Variants in MYH3 observed in about 807,000 individuals in gnomAD.
MYH3 encodes the protein myosin heavy chain 3.
MYH3 carries 130 observed loss-of-function variants against 238.0 expected under a neutral mutation model. That is an observed-to-expected ratio of 0.55 (90% CI 0.47 to 0.63). The LOEUF (loss-of-function observed/expected upper bound fraction) is 0.63, where lower values mean the gene tolerates loss of function less well. Ranked by LOEUF, MYH3 falls within the 30% of genes least tolerant of loss-of-function variation. MYH3 has a pLI of 0.00. For synonymous variants in MYH3, 880 were observed against 924.1 expected (o/e 0.95, Z 0.86); for missense variants, 1,853 against 2,374.9 (o/e 0.78, Z 4.57).
chr17:10,675,449 T>TC, the MYH3 span: 5 of 152,334 alleles, frequency 3.3e-5, no homozygotes, highest in African/African-American at 1.2e-4. Context: ...GGACTCTTTT[T>TC]CCCCTCTACT....
Position 10,652,170 on chromosome 17 carries a change from C to T in MYH3, c.348+250G>A, listed in dbSNP as rs141726181. The T allele has an allele frequency of 5.9e-4, 332 of 559,188 alleles. 1 individual carries two copies. Among genetic ancestry groups the T allele is most frequent in the African/African-American group, 5.6e-3 (301 of 53,528 alleles). The allele number at this position is 559,188 out of a possible 1,614,324, so 34.6% of individuals were successfully genotyped here. On this transcript the variant is annotated intron_variant, in intron 4 of 40. Transcript: ENST00000583535. ...CCCTCCCACAGTTGGTAAGTCACAG[C>T]ACCCCGTGACCAAGCCTGGCCCCAG...
intron 3 of MYH3, among the ~76,000 whole-genome samples, chr17:10,652,929 C>T (rs1051003848): frequency 2.6e-5 from 4 of 152,032 alleles, no homozygotes; most frequent in African/African-American, 7.2e-5. Context: ...CCTGTCTGCA[C>T]GTCTTGTCTG....
rs560382335 is a variant in MYH3 at position 10,633,472 on chromosome 17, G to T, written c.4647+119C>A. On this transcript the variant is annotated intron_variant, in intron 33 of 40. Transcript: ENST00000583535. ...TTTGCTGTGTGACGGGAAAGCAGCA[G>T]GCATTAGGACTGTGATTTGACAAAG... 10 of 1,233,886 alleles carry T rather than the reference G, an allele frequency of 8.1e-6. No homozygotes were observed. The African/African-American group carries it at 1.5e-4, about 18-fold the overall frequency. 76.4% of individuals were successfully genotyped at this position (1,233,886 alleles called of 1,614,324 possible). A position where few individuals can be genotyped will look rare whatever the true frequency, so the allele number is the denominator to read the frequency against.
At chr17:10,677,291 G>C in the MYH3 span, 2 of 152,046 alleles carry the variant, frequency 1.3e-5, no homozygotes, top group African/African-American at 4.8e-5. Flanking sequence ...GCCTGCGTGA[G>C]AAGAGCGAGA....
rs2074239638 is a variant in MYH3 at position 10,638,501 on chromosome 17, G to A, written c.3340-69C>T. ...CGGGGACTCTGATTGCCAAGAACAG[G>A]CTGGTTTCCCTTCCCATTAGACAAA... On this transcript the variant is annotated intron_variant, in intron 26 of 40. Coordinates refer to ENST00000583535, the MANE Select transcript of MYH3 (RefSeq NM_002470.4). 3 of 1,588,602 alleles carry A rather than the reference G, an allele frequency of 1.9e-6. No homozygotes were observed. In the Middle Eastern group the frequency reaches 5.3e-4, roughly 283 times the overall value.
At chr17:10,672,327 A>G in the MYH3 span, 7 of 152,192 alleles carry the variant, frequency 4.6e-5, no homozygotes, top group Admixed American at 6.5e-5. Flanking sequence ...AATGCTACAT[A>G]AGTACTACAC....
chr17:10,666,379 G>A, the MYH3 span, among the ~76,000 whole-genome samples: 1 of 150,992 alleles, frequency 6.6e-6, no homozygotes, highest in Non-Finnish European at 1.5e-5. Context: ...CAGGAGTTCC[G>A]GACCAGCGTG....
chr17:10,638,721 T>G, intron 26 of MYH3, 152 bp downstream of exon 26: 1 of 792,442 alleles, frequency 1.3e-6, no homozygotes, highest in Non-Finnish European at 2.0e-6. Flanking sequence ...GGGGAAATGG[T>G]TCATCATGGC....
rs1285926314 is a variant in MYH3, at chr17:10,652,566, A to G, written c.205-3T>C. ...TCCTCTGGTTTGACCACCAGGGTCT[A>G]AAAAGGAAGAGGCACAGTGCTTCAC... On this transcript the variant is annotated splice_polypyrimidine_tract_variant and splice_region_variant and intron_variant, in intron 3 of 40. Transcript: ENST00000583535. 1 of 1,584,820 alleles carries G rather than the reference A, an allele frequency of 6.3e-7. No homozygotes were observed. The highest frequency in any genetic ancestry group is 1.7e-5 in the Admixed American group (1 of 59,178).
Position 10,637,929 on chromosome 17 carries a change from G to A in MYH3, c.3736C>T (p.Leu1246=), listed in dbSNP as rs2074230472. 2 of 1,614,118 alleles carry A rather than the reference G, an allele frequency of 1.2e-6. No homozygotes were observed. The highest frequency in any genetic ancestry group is 1.7e-5 in the Admixed American group (1 of 60,022). The part of the protein sequence containing the change: ...MESVSKSKAN[L]EKICRTLEDQ... ...TCCAGGGTTCGGCAGATTTTTTCCA[G>A]ATTTGCCTGAAGGATTCAGAAAGGG... Residue 1246 remains leucine (L), a synonymous_variant, in exon 28 of 41, where the codon CTG becomes TTG. Transcript: ENST00000583535.
chr17:10,652,773 C>T, intron 3 of MYH3, among the ~76,000 whole-genome samples: 1 of 151,932 alleles, frequency 6.6e-6, no homozygotes, highest in Non-Finnish European at 1.5e-5. Context: ...AGGCGCCCGC[C>T]ACCACACCCG....
At chr17:10,674,058 C>T in the MYH3 span, 1 of 152,110 alleles carries the variant, frequency 6.6e-6, no homozygotes, top group African/African-American at 2.4e-5. Flanking sequence ...TTAATAGACT[C>T]TGTGGTATTG....
At chr17:10,658,497 TGCTTCGAGAAGAC>T, upstream of MYH3, 1 of 152,324 alleles carries the variant, frequency 6.6e-6, no homozygotes, top group South Asian at 2.1e-4. Flanking sequence ...TTACACACAG[TGCTTCGAGAAGAC>T]GCAGAGGAAA....
rs764638396 is a variant in MYH3 at position 10,630,293 on chromosome 17, T to C, written c.5452A>G (p.Thr1818Ala). The C allele has an allele frequency of 2.7e-5, 44 of 1,614,036 alleles. No homozygotes were observed. Among genetic ancestry groups the C allele is most frequent in the Middle Eastern group, 1.6e-4 (1 of 6,084 alleles). The change falls in exon 37 of 41, where the codon ACC becomes GCC. Residue 1818 changes from threonine to alanine, a missense_variant. By Grantham distance (58) the Thr-to-Ala change is moderately conservative. Around this residue, in one of 3 missense-constraint regions of MYH3, gnomAD observed 1,044 missense variants for 1,192.6 expected, o/e 0.88. Coordinates refer to ENST00000583535, the MANE Select transcript of MYH3 (RefSeq NM_002470.4). ...GGKKQIQKLE[T>A]RIRELEFELE... ...GGGGTTCCTCCTGCACACACCCTGG[T>C]CTCCAGTTTCTGGATCTGCTTCTTC...
At chr17:10,629,042 G>A (rs2074123594) in intron 40 of MYH3, among the ~76,000 whole-genome samples, 1 of 152,180 alleles carries the variant, frequency 6.6e-6, no homozygotes, top group Non-Finnish European at 1.5e-5. Context: ...GTTTTGTTGG[G>A]ATACATGTGC....
chr17:10,635,296 C>T (rs988684326), intron 30 of MYH3, 71 bp downstream of exon 30: 48 of 1,611,816 alleles, frequency 3.0e-5, no homozygotes, highest in Non-Finnish European at 3.6e-5. Context: ...TGGGGAAACG[C>T]CTAGTAATAA....
chr17:10,669,566 CAAAAAA>C, the MYH3 span, among the ~76,000 whole-genome samples: 1 of 96,454 alleles, frequency 1.0e-5, no homozygotes, highest in Non-Finnish European at 2.1e-5. Flanking sequence ...GAGTCCATCT[CAAAAAA>C]AAAAAAAAAA....
rs2074242837 is a variant in MYH3 at position 10,638,888 on chromosome 17, T to TTTC, written c.3321_3323dup (p.Lys1108dup). On this transcript the variant is annotated inframe_insertion, in exon 26 of 41. Transcript: ENST00000583535. Reference sequence around the variant, plus strand: ...GGGCTCCTACCTGCAACTCTTTGATTTTCTTCTGAAACTGGAGGCCCAGTG... The same window carrying TTTC: ...GGGCTCCTACCTGCAACTCTTTGATTTTCTTCTTCTGAAACTGGAGGCCCAGTG... 6.2e-7 allele frequency: 1 copy of TTTC among 1,613,968 alleles called. No homozygotes were observed. The highest frequency in any genetic ancestry group is 1.3e-5 in the African/African-American group (1 of 74,922).
chr17:10,645,558 G>A, intron 12 of MYH3, 149 bp downstream of exon 12: 6 of 963,430 alleles, frequency 6.2e-6, no homozygotes, highest in Non-Finnish European at 9.7e-6. Flanking sequence ...CCTGACCTCA[G>A]GTGATCTGGC....
Sources: gnomAD v4.1 joint callset for allele counts (sites outside exome capture counted in the v4.1 genomes callset) on GRCh38, gnomAD v4.1.1 for gene constraint, gnomAD v4.1.1 regional missense constraint, MANE v1.5 for transcripts, NCBI Gene and HGNC (gene_info 2026-07-23, HGNC 2026-07-21) for gene names.